The following EXD1 variants were observed in gnomAD, a reference collection of about 807,000 sequenced individuals.
EXD1 encodes the protein exonuclease 3'-5' domain containing 1.
Under a neutral mutation model 49.1 loss-of-function variants are expected in EXD1, and 63 were observed. The observed-to-expected ratio is 1.28, with a 90% CI of 1.05 to 1.58. The LOEUF (loss-of-function observed/expected upper bound fraction) is 1.58. EXD1 is among the 40% of genes most tolerant of loss of function. The probability of loss-of-function intolerance (pLI) is 0.00; values close to 1 mark genes in which losing one functional copy is unlikely to be tolerated. For synonymous variants in EXD1, 234 were observed against 239.2 expected, an observed-to-expected ratio of 0.98 and a Z score of 0.20; for missense variants, 748 against 666.0, an observed-to-expected ratio of 1.12 and a Z score of -1.36.
chr15:41,190,334 A>G (rs1428710700), intron 10 of EXD1: 5 of 481,888 alleles, frequency 1.0e-5, no homozygotes, highest in Non-Finnish European at 1.9e-5. Flanking sequence ...TTAGCTGGGC[A>G]TGGTGGCACG....
rs2047061184 is a variant in EXD1, at chr15:41,219,915, T to G, written c.134-17A>C. On this transcript the variant is annotated splice_polypyrimidine_tract_variant and intron_variant, in intron 2 of 11. Coordinates refer to ENST00000458580, the MANE Select transcript of EXD1 (RefSeq NM_001286441.2). ...CATTCTTCACTGTTACAGAAAACAA[T>G]TCATTCAGTTAATTAAAATATTTTC... 2 of 1,524,714 alleles carry G rather than the reference T, an allele frequency of 1.3e-6. No individual in the cohort carries two copies. Among genetic ancestry groups the G allele is most frequent in the African/African-American group, 2.8e-5 (2 of 72,674 alleles). 94.4% of individuals were successfully genotyped at this position (1,524,714 alleles called of 1,614,324 possible). A position where few individuals can be genotyped will look rare whatever the true frequency, so the allele number is the denominator to read the frequency against.
chr15:41,216,579 C>G (rs1280745683), intron 5 of EXD1, 89 bp downstream of exon 5: 2 of 1,349,244 alleles, frequency 1.5e-6, no homozygotes, highest in South Asian at 2.9e-5. Context: ...TGCAGTGAGC[C>G]GAGATCACGC....
chr15:41,184,475 A>G lies in EXD1; in HGVS notation c.1175T>C (p.Val392Ala). ...TGTCACTAATTTCTTTGGCTGTAGC[A>G]CTGTCCTTATCAGGAGTCCCTGTGC... ...VNAQGLLIRTVLQPKKLVTET... is the reference protein window; with the variant it reads ...VNAQGLLIRTALQPKKLVTET... Residue 392 changes from valine (V) to alanine (A), a missense_variant, in exon 12 of 12, where the codon GTG becomes GCG. Val to Ala is a moderately conservative substitution (Grantham distance 64). Coordinates refer to ENST00000458580, the MANE Select transcript of EXD1 (RefSeq NM_001286441.2). 3.7e-6 allele frequency: 6 copies of G among 1,614,112 alleles called. No homozygotes were observed. The highest frequency in any genetic ancestry group is 5.1e-6 in the Non-Finnish European group (6 of 1,180,026).
At chr15:41,189,272 G>A (rs2046466167) in intron 11 of EXD1, among the ~76,000 whole-genome samples, 2 of 151,934 alleles carry the variant, frequency 1.3e-5, no homozygotes, top group African/African-American at 4.8e-5. Flanking sequence ...GGAGGCTGAG[G>A]CAGGAGAATT....
At chr15:41,217,682 T>A (rs2047021960) in intron 3 of EXD1, among the ~76,000 whole-genome samples, 1 of 152,018 alleles carries the variant, frequency 6.6e-6, no homozygotes, top group Non-Finnish European at 1.5e-5. Context: ...ACTACAGGCA[T>A]GCGCCACCAC....
At chr15:41,205,172 A>C (rs1016825800) in intron 7 of EXD1, among the ~76,000 whole-genome samples, 19 of 152,248 alleles carry the variant, frequency 1.2e-4, no homozygotes, top group Admixed American at 1.2e-3. Flanking sequence ...TTGTGAGTTA[A>C]GTTTTCAGCA....
chr15:41,184,715 C>G (rs562197208), intron 11 of EXD1, 122 bp from the exon 12 acceptor site: 3 of 1,027,414 alleles, frequency 2.9e-6, no homozygotes, highest in Non-Finnish European at 4.0e-6. Context: ...AGTGCAGTGG[C>G]ACGATCTCGG....
Position 41,216,700 on chromosome 15 carries a change from G to C in EXD1, c.356C>G (p.Ser119Cys). The change falls in exon 5 of 12, where the codon TCT becomes TGT. Residue 119 changes from serine (S) to cysteine (C), a missense_variant. Physicochemically the swap from Ser to Cys is moderately radical, Grantham distance 112 (BLOSUM62 -1). Transcript: ENST00000458580. The stretch of plus-strand genomic sequence containing the variant: ...GCTGTACTTGAGGTCATTCAGCAGA[G>C]AGGTAGCTGGTGCTTCAGGGGCAGG... ...ASPAPEAPAT[S>C]LLNDLKYSPS... The C allele has an allele frequency of 6.2e-7, 1 of 1,613,488 alleles. No individual in the cohort carries two copies. The highest frequency in any genetic ancestry group is 8.5e-7 in the Non-Finnish European group (1 of 1,180,028).
At chr15:41,211,605 T>C (rs781200610) in intron 6 of EXD1, among the ~76,000 whole-genome samples, 1 of 151,978 alleles carries the variant, frequency 6.6e-6, no homozygotes, top group Non-Finnish European at 1.5e-5. Context: ...GACAGATTGC[T>C]TGAGCCCAGG....
chr15:41,216,708 TG>T lies in EXD1; in HGVS notation c.347del (p.Pro116GlnfsTer6), dbSNP rs1459014689. ...CEPASPAPEA[P>X]ATSLLNDLKY... is the part of the protein sequence containing the mutation. ...TGAGGTCATTCAGCAGAGAGGTAGCTGGTGCTTCAGGGGCAGGAGAAGCAGG... is the reference window on the plus strand; with the variant it reads ...TGAGGTCATTCAGCAGAGAGGTAGCTGTGCTTCAGGGGCAGGAGAAGCAGG... On this transcript the variant is annotated frameshift_variant, in exon 5 of 12. Transcript: ENST00000458580. LOFTEE classifies it high-confidence loss of function. 2 of 1,613,674 alleles carry T rather than the reference TG, an allele frequency of 1.2e-6. No individual in the cohort carries two copies. Among genetic ancestry groups the T allele is most frequent in the East Asian group, 4.5e-5 (2 of 44,878 alleles).
chr15:41,212,139 T>C (rs1053433339), intron 6 of EXD1, among the ~76,000 whole-genome samples: 45 of 151,616 alleles, frequency 3.0e-4, no homozygotes, highest in African/African-American at 9.4e-4. Flanking sequence ...TACAGATAAG[T>C]GTTGGCAAGG....
chr15:41,197,368 A>G lies in EXD1; in HGVS notation c.535-1331T>C, dbSNP rs190948760. 3.4e-3 allele frequency among the ~76,000 whole-genome samples: 518 copies of G among 150,660 alleles called. 2 individuals are homozygous for G. Among genetic ancestry groups the G allele is most frequent in the African/African-American group, 0.012 (489 of 41,068 alleles). ...TCAGCCTCCTGAGTAGCTGGGACTA[A>G]AGGCACCTGCCACCATGCCCTGCTA... is the stretch of plus-strand genomic sequence containing the variant. On this transcript the variant is annotated intron_variant, in intron 7 of 11. Transcript: ENST00000458580.
chr15:41,195,582 C>T (rs897376472), intron 9 of EXD1, among the ~76,000 whole-genome samples, 193 bp downstream of exon 9: 1 of 151,600 alleles, frequency 6.6e-6, no homozygotes, highest in Non-Finnish European at 1.5e-5. Flanking sequence ...AGCAACTTTA[C>T]TGCAGTGCTT....
intron 6 of EXD1, among the ~76,000 whole-genome samples, chr15:41,209,867 C>A (rs911632431): frequency 6.6e-6 from 1 of 152,008 alleles, no homozygotes; most frequent in Non-Finnish European, 1.5e-5. Context: ...ACTCAGACAC[C>A]TTTTGTTACC....
At chr15:41,191,648 G>C in intron 9 of EXD1, 63 bp from the exon 10 acceptor site, 1 of 1,449,052 alleles carries the variant, frequency 6.9e-7, no homozygotes, top group Non-Finnish European at 9.5e-7. Flanking sequence ...TCTCATGCCA[G>C]AAATATATTT....
intron 11 of EXD1, among the ~76,000 whole-genome samples, chr15:41,188,481 C>G (rs930358564): frequency 6.6e-6 from 1 of 151,950 alleles, no homozygotes; most frequent in Non-Finnish European, 1.5e-5. Flanking sequence ...CAACCCCTAC[C>G]TCCTGGGTTC....
At position 41,216,654 on chromosome 15, in the gene EXD1, G is replaced by T. The variant is rs1322738266; in HGVS notation, c.388+14C>A. The T allele has an allele frequency of 1.3e-6, 2 of 1,591,754 alleles. No individual in the cohort carries two copies. The highest frequency in any genetic ancestry group is 1.7e-6 in the Non-Finnish European group (2 of 1,174,718). The stretch of plus-strand genomic sequence containing the variant: ...CTCAAAAAAAAAAAGAAAATTCAGA[G>T]CCCCTATATTCACCTGATGGGCTGT... On this transcript the variant is annotated intron_variant, in intron 5 of 11. Coordinates refer to ENST00000458580, the MANE Select transcript of EXD1 (RefSeq NM_001286441.2).
chr15:41,202,589 C>T (rs1282823616), intron 7 of EXD1, among the ~76,000 whole-genome samples: 3 of 152,168 alleles, frequency 2.0e-5, no homozygotes, highest in Non-Finnish European at 4.4e-5. Flanking sequence ...GATCCTCCCT[C>T]CTCAGCCTCC....
intron 2 of EXD1, among the ~76,000 whole-genome samples, chr15:41,222,860 C>T (rs905216162): frequency 1.4e-5 from 2 of 143,780 alleles, no homozygotes; most frequent in Non-Finnish European, 3.0e-5. Context: ...TGCTTGAACT[C>T]GGGAGGCAGA....
Sources: gnomAD v4.1 joint callset for allele counts (sites outside exome capture counted in the v4.1 genomes callset) on GRCh38, gnomAD v4.1.1 for gene constraint, MANE v1.5 for transcripts, NCBI Gene and HGNC (gene_info 2026-07-23, HGNC 2026-07-21) for gene names.